Variants in BEND3 observed in about 807,000 individuals in gnomAD.
BEND3 encodes the protein BEN domain-containing protein 3.
BEND3 carries 13 observed loss-of-function variants against 60.1 expected under a neutral mutation model. The ratio of observed to expected loss-of-function variants is 0.22; its 90% CI spans 0.14 to 0.34. BEND3 has a LOEUF of 0.34. Among genes scored for constraint, BEND3 ranks in the 10% least tolerant of loss-of-function variants. The pLI, the probability that BEND3 is intolerant of heterozygous loss-of-function variation, is 1.00. For synonymous variants in BEND3, 497 were observed against 491.5 expected, an observed-to-expected ratio of 1.01 and a Z score of -0.15; for missense variants, 896 against 1,138.1, an observed-to-expected ratio of 0.79 and a Z score of 3.06.
At chr6:107,082,466 GCT>G (rs1554233671) in intron 3 of BEND3, among the ~76,000 whole-genome samples, 2 of 152,026 alleles carry the variant, frequency 1.3e-5, no homozygotes, top group African/African-American at 4.8e-5. Context: ...CAGTAGTCTC[GCT>G]CTGTCACCCA....
At chr6:107,093,493 A>G (rs377701200) in intron 3 of BEND3, among the ~76,000 whole-genome samples, 7 of 152,216 alleles carry the variant, frequency 4.6e-5, no homozygotes, top group African/African-American at 2.4e-5. Flanking sequence ...CACAGTTAAG[A>G]CTGATACTAC....
intron 1 of BEND3, among the ~76,000 whole-genome samples, chr6:107,111,619 A>G (rs1770093126): frequency 6.6e-6 from 1 of 152,198 alleles, no homozygotes; most frequent in African/African-American, 2.4e-5. Context: ...TAATTCCCCA[A>G]GCTTACCTTA....
chr6:107,077,643 G>A (rs1775127874), intron 3 of BEND3, among the ~76,000 whole-genome samples: 1 of 152,166 alleles, frequency 6.6e-6, no homozygotes, highest in African/African-American at 2.4e-5. Flanking sequence ...AGCAAGATAT[G>A]AGTGCACCTA....
At chr6:107,081,484 A>G (rs1562304555) in intron 3 of BEND3, among the ~76,000 whole-genome samples, 1 of 151,978 alleles carries the variant, frequency 6.6e-6, no homozygotes, top group Non-Finnish European at 1.5e-5. Flanking sequence ...GGCCTCCCAA[A>G]GTGCTGGGAT....
chr6:107,087,750 A>G (rs991212637), intron 3 of BEND3, among the ~76,000 whole-genome samples: 6 of 54,016 alleles, frequency 1.1e-4, no homozygotes, highest in Admixed American at 1.1e-3. Context: ...ACAAACAAAC[A>G]AACAAAAAAA....
At chr6:107,071,843 A>G (rs1184361895) in intron 3 of BEND3, among the ~76,000 whole-genome samples, 1 of 152,232 alleles carries the variant, frequency 6.6e-6, no homozygotes, top group African/African-American at 2.4e-5. Context: ...CAGAATGCAG[A>G]TAGTCATTGC....
intron 1 of BEND3, among the ~76,000 whole-genome samples, chr6:107,107,551 C>T (rs1199800726): frequency 2.0e-5 from 3 of 152,028 alleles, no homozygotes; most frequent in African/African-American, 7.3e-5. Flanking sequence ...CAACCTTTGC[C>T]TCCTGGGTTC....
chr6:107,107,898 C>T (rs1775853502), intron 1 of BEND3, among the ~76,000 whole-genome samples: 1 of 152,124 alleles, frequency 6.6e-6, no homozygotes, highest in African/African-American at 2.4e-5. Context: ...AAATAAAATG[C>T]TCTCCCTGAG....
intron 3 of BEND3, 129 bp downstream of exon 3, chr6:107,098,422 G>T: frequency 1.1e-6 from 1 of 903,998 alleles, no homozygotes; most frequent in Non-Finnish European, 1.7e-6. Flanking sequence ...AGATGGGATA[G>T]CTTAAATGAA....
chr6:107,102,983 T>TTA (rs1414656598), intron 1 of BEND3, among the ~76,000 whole-genome samples: 2 of 152,138 alleles, frequency 1.3e-5, no homozygotes, highest in Non-Finnish European at 2.9e-5. Context: ...AGGGAGGAAA[T>TTA]AATAGAGTCT....
intron 3 of BEND3, among the ~76,000 whole-genome samples, chr6:107,074,097 C>T (rs184005940): frequency 2.6e-5 from 4 of 152,258 alleles, no homozygotes; most frequent in Non-Finnish European, 4.4e-5. Context: ...AGCACTGAGT[C>T]TATCTGAATC....
intron 3 of BEND3, among the ~76,000 whole-genome samples, chr6:107,084,309 C>T (rs574888856): frequency 6.6e-6 from 1 of 152,406 alleles, no homozygotes; most frequent in East Asian, 1.9e-4. Flanking sequence ...CCAATCAGCA[C>T]AGACCCCACA....
chr6:107,102,316 T>G (rs11153044), intron 1 of BEND3, among the ~76,000 whole-genome samples: 40,510 of 151,896 alleles, frequency 0.27, 5,824 homozygotes, highest in Non-Finnish European at 0.32. Context: ...AAACCTATTT[T>G]CTGATTTTTT....
At chr6:107,112,837 G>C (rs1770141279) in intron 1 of BEND3, among the ~76,000 whole-genome samples, 1 of 140,670 alleles carries the variant, frequency 7.1e-6, no homozygotes, top group Non-Finnish European at 1.5e-5. Flanking sequence ...TGGGCAACAA[G>C]AGCAAAACTC....
Position 107,070,859 on chromosome 6 carries a change from A to G in BEND3, c.332T>C (p.Val111Ala). 1 of 1,613,958 alleles carries G rather than the reference A, an allele frequency of 6.2e-7. No homozygotes were observed. The highest frequency in any genetic ancestry group is 1.1e-5 in the South Asian group (1 of 91,084). Residue 111 changes from valine to alanine, a missense_variant, in exon 4 of 4, where the codon GTG becomes GCG. Coordinates refer to ENST00000369042, the MANE Select transcript of BEND3 (RefSeq NM_001367314.1). The surrounding 1 kb of genome is among the most constrained non-coding windows in gnomAD (Gnocchi z 6.9). The part of the protein sequence containing the change: ...QAGRGRSLGN[V>A]WPGEEEPCND... ...GCAGGGCTCCTCCTCTCCAGGCCAC[A>G]CATTGCCCAGGCTCCTGCCCCTGCC... is the stretch of plus-strand genomic sequence containing the variant.
chr6:107,114,023 G>C (rs1447269838), intron 1 of BEND3: 1 of 152,200 alleles, frequency 6.6e-6, no homozygotes, highest in Admixed American at 6.6e-5. Flanking sequence ...TGTTCCTCCC[G>C]GCACTCTTGT....
intron 3 of BEND3, among the ~76,000 whole-genome samples, chr6:107,083,296 A>G (rs7749044): frequency 0.46 from 69,758 of 151,864 alleles, 16,385 homozygotes; most frequent in Middle Eastern, 0.53. Context: ...AGCAGCAGTC[A>G]AGGGTGGAAT....
At position 107,065,998 on chromosome 6, in the gene BEND3, G is replaced by C. The variant is rs1774819109; in HGVS notation, c.*2706C>G. The C allele has an allele frequency of 6.6e-6, 1 of 150,600 alleles. No homozygotes were observed. Among genetic ancestry groups the C allele is most frequent in the Non-Finnish European group, 1.5e-5 (1 of 67,870 alleles). 9.3% of individuals were successfully genotyped at this position (150,600 alleles called of 1,614,324 possible). On this transcript the variant is annotated 3_prime_UTR_variant, in exon 4 of 4. Transcript: ENST00000369042. The stretch of plus-strand genomic sequence containing the variant: ...TTCATACATTCTTTAAAAACTTACA[G>C]AGAAATCAATGAAGACTACCACCTA...
Position 107,092,254 on chromosome 6 carries a change from CAA to C in BEND3, c.240+6295_240+6296del, listed in dbSNP as rs34817923. On this transcript the variant is annotated intron_variant, in intron 3 of 3. Transcript: ENST00000369042. ...CCTAGGAGATAGTGAGACTCTGTCT[CAA>C]AAAAAAAAAAGATTTTATACACCAT... is the stretch of plus-strand genomic sequence containing the variant. 3.2e-4 allele frequency among the ~76,000 whole-genome samples: 45 copies of C among 140,328 alleles called. 1 individual carries two copies. In the East Asian group the frequency reaches 9.2e-3, roughly 29 times the overall value. The allele number at this position is 140,328 out of a possible 152,430, so 92.1% of individuals were successfully genotyped here.
Sources: gnomAD v4.1 joint callset for allele counts (sites outside exome capture counted in the v4.1 genomes callset) on GRCh38, gnomAD v4.1.1 for gene constraint, Gnocchi (gnomAD v3.1) non-coding constraint, MANE v1.5 for transcripts, NCBI Gene and HGNC (gene_info 2026-07-23, HGNC 2026-07-21) for gene names.